The following LRRC1 variants were observed in gnomAD, a reference collection of about 807,000 sequenced individuals.
LRRC1 encodes the protein leucine rich repeat containing 1.
LRRC1 carries 28 observed loss-of-function variants against 69.9 expected under a neutral mutation model. The ratio of observed to expected loss-of-function variants is 0.40; its 90% CI spans 0.30 to 0.55. LRRC1 has a LOEUF of 0.55. LRRC1 is among the 20% of genes least tolerant of loss of function. The pLI is 0.47. For synonymous variants in LRRC1, 236 were observed against 240.2 expected (o/e 0.98, Z 0.16); for missense variants, 498 against 609.0 (o/e 0.82, Z 1.92).
intron 1 of LRRC1, among the ~76,000 whole-genome samples, chr6:53,805,418 T>G (rs1764610460): frequency 6.6e-6 from 1 of 152,106 alleles, no homozygotes; most frequent in African/African-American, 2.4e-5. Flanking sequence ...TGCAGGATGT[T>G]TGGGAACACA....
intron 2 of LRRC1, among the ~76,000 whole-genome samples, chr6:53,845,812 A>G (rs1218915731): frequency 6.6e-6 from 1 of 152,178 alleles, no homozygotes; most frequent in East Asian, 1.9e-4. Context: ...GGGGATGCCA[A>G]CCCTGCTGGT....
chr6:53,838,935 T>G (rs1765687060), intron 1 of LRRC1, among the ~76,000 whole-genome samples: 1 of 152,212 alleles, frequency 6.6e-6, no homozygotes, highest in African/African-American at 2.4e-5. Flanking sequence ...CATAACTGCT[T>G]TTTTCTTCTT....
chr6:53,851,639 C>T (rs1766140540), intron 2 of LRRC1, among the ~76,000 whole-genome samples: 1 of 152,156 alleles, frequency 6.6e-6, no homozygotes, highest in Non-Finnish European at 1.5e-5. Context: ...TTAAATTTGG[C>T]ATCCTGTGGT....
chr6:53,908,280 C>T (rs948406186), intron 10 of LRRC1, among the ~76,000 whole-genome samples: 36 of 152,130 alleles, frequency 2.4e-4, no homozygotes, highest in Non-Finnish European at 4.9e-4. Context: ...ATGAAAGAGA[C>T]GCCAACTAAG....
At chr6:53,830,580 G>GT (rs1323768096) in intron 1 of LRRC1, among the ~76,000 whole-genome samples, 5 of 152,142 alleles carry the variant, frequency 3.3e-5, no homozygotes, top group African/African-American at 7.2e-5. Flanking sequence ...TATACTCTCA[G>GT]TTTTTTCCAT....
Position 53,842,177 on chromosome 6 carries a change from C to T in LRRC1, c.227C>T (p.Pro76Leu). 6.2e-7 allele frequency: 1 copy of T among 1,614,060 alleles called. No homozygotes were observed. The highest frequency in any genetic ancestry group is 8.5e-7 in the Non-Finnish European group (1 of 1,179,948). Residue 76 changes from proline (P) to leucine (L), a missense_variant, in exon 2 of 14, where the codon CCA becomes CTA. Physicochemically the swap from Pro to Leu is moderately conservative, Grantham distance 98. Transcript: ENST00000370888. ...LSDNEIQRLPPEIANFMQLVE... is the reference protein window; with the variant it reads ...LSDNEIQRLPLEIANFMQLVE... ...GATAATGAAATTCAGCGGCTCCCTC[C>T]AGAAATAGCAAACTTCATGCAGCTG...
At chr6:53,864,919 A>G (rs1264345695) in intron 2 of LRRC1, among the ~76,000 whole-genome samples, 1 of 152,118 alleles carries the variant, frequency 6.6e-6, no homozygotes, top group Non-Finnish European at 1.5e-5. Context: ...TTGGAAAGCA[A>G]TTCCAGATTT....
At position 53,920,615 on chromosome 6, in the gene LRRC1, G is replaced by T. The variant is rs761614009; in HGVS notation, c.1280-10G>T. On this transcript the variant is annotated splice_polypyrimidine_tract_variant and intron_variant, in intron 12 of 13. Transcript: ENST00000370888. ...GCAATTCCCTGCTTATGTGGTCTTT[G>T]TCACTGCAGAGAATCTGCCTCGCTG... 3.1e-6 allele frequency: 5 copies of T among 1,614,116 alleles called. No homozygotes were observed. The highest frequency in any genetic ancestry group is 1.1e-5 in the South Asian group (1 of 91,082).
chr6:53,835,753 A>T (rs1313838165), intron 1 of LRRC1, among the ~76,000 whole-genome samples: 1 of 152,214 alleles, frequency 6.6e-6, no homozygotes, highest in Admixed American at 6.5e-5. Flanking sequence ...TAGAAAAGTC[A>T]TTACTCTATA....
chr6:53,845,838 G>C (rs1765926068), intron 2 of LRRC1, among the ~76,000 whole-genome samples: 1 of 152,206 alleles, frequency 6.6e-6, no homozygotes, highest in Admixed American at 6.5e-5. Flanking sequence ...GCCACACCAA[G>C]GAGAAGGATC....
intron 3 of LRRC1, among the ~76,000 whole-genome samples, chr6:53,882,287 G>A (rs1767317437): frequency 1.3e-5 from 2 of 152,224 alleles, no homozygotes; most frequent in South Asian, 4.1e-4. Context: ...GGCGGAGGTT[G>A]CGGTGAGCCG....
chr6:53,918,325 C>T (rs772354310), intron 11 of LRRC1, among the ~76,000 whole-genome samples: 1 of 152,162 alleles, frequency 6.6e-6, no homozygotes, highest in Non-Finnish European at 1.5e-5. Flanking sequence ...CTTTACTGGA[C>T]TAATTGTTAA....
intron 2 of LRRC1, among the ~76,000 whole-genome samples, chr6:53,872,314 A>G (rs757802216): frequency 1.3e-5 from 2 of 152,120 alleles, no homozygotes; most frequent in Non-Finnish European, 2.9e-5. Context: ...ATTTGGTTAC[A>G]TAAGTTCTTC....
rs747987518 is a variant in LRRC1, at chr6:53,922,828, C to G, written c.*35C>G. On this transcript the variant is annotated 3_prime_UTR_variant, in exon 14 of 14. Coordinates refer to ENST00000370888, the MANE Select transcript of LRRC1 (RefSeq NM_018214.5). Reference sequence around the variant, plus strand: ...TCCAAGTTTTACCTCCTGTGTCTTCCTCTGCTGTCGAGACGTTCCTGTCTG... The same window carrying G: ...TCCAAGTTTTACCTCCTGTGTCTTCGTCTGCTGTCGAGACGTTCCTGTCTG... The G allele has an allele frequency of 6.2e-7, 1 of 1,600,426 alleles. No homozygotes were observed. The highest frequency in any genetic ancestry group is 2.2e-5 in the East Asian group (1 of 44,740).
intron 2 of LRRC1, among the ~76,000 whole-genome samples, chr6:53,877,028 T>C (rs1164951601): frequency 6.6e-6 from 1 of 152,242 alleles, no homozygotes; most frequent in Non-Finnish European, 1.5e-5. Context: ...GCCTTGCCCC[T>C]GAAGCAAACT....
chr6:53,884,011 A>G (rs1211285768), intron 4 of LRRC1: 4 of 717,684 alleles, frequency 5.6e-6, no homozygotes, highest in South Asian at 3.0e-5. Flanking sequence ...TGAAATGTAC[A>G]CTGATGTTTT....
intron 2 of LRRC1, among the ~76,000 whole-genome samples, chr6:53,855,227 A>G (rs867169456): frequency 1.3e-5 from 2 of 152,254 alleles, no homozygotes; most frequent in African/African-American, 4.8e-5. Flanking sequence ...CACTCTGCTT[A>G]TAGAGGTGCT....
intron 1 of LRRC1, among the ~76,000 whole-genome samples, chr6:53,835,714 AG>A (rs1765594976): frequency 1.3e-5 from 2 of 152,282 alleles, no homozygotes; most frequent in Admixed American, 6.5e-5. Flanking sequence ...AAGTTTATTC[AG>A]TGTATTATTT....
intron 6 of LRRC1, 136 bp from the exon 7 acceptor site, chr6:53,897,149 T>A: frequency 1.5e-6 from 1 of 660,154 alleles, no homozygotes. Context: ...GGAAAGGGGC[T>A]GGATGTTAAG....
Sources: allele counts gnomAD v4.1 joint callset (sites outside exome capture counted in the v4.1 genomes callset), GRCh38; gene constraint gnomAD v4.1.1; transcripts MANE v1.5; gene names NCBI Gene and HGNC (gene_info 2026-07-23, HGNC 2026-07-21).